RNF125: variants seen among roughly 807,000 people sequenced by gnomAD.
RNF125 encodes the protein ring finger protein 125.
RNF125 carries 21 observed loss-of-function variants against 26.0 expected under a neutral mutation model. That is an observed-to-expected ratio of 0.81 (90% CI 0.57 to 1.16). The LOEUF (loss-of-function observed/expected upper bound fraction) is 1.16, where lower values mean the gene tolerates loss of function less well. RNF125 is among the 50% of genes most tolerant of loss of function. The pLI, the probability that RNF125 is intolerant of heterozygous loss-of-function variation, is 0.00. For missense variants in RNF125, 270 were observed against 299.4 expected (o/e 0.90, Z 0.72); for synonymous variants, 95 against 109.2 (o/e 0.87, Z 0.81).
intron 4 of RNF125, among the ~76,000 whole-genome samples, chr18:32,057,357 G>A (rs1334636471): frequency 1.3e-5 from 2 of 148,326 alleles, no homozygotes; most frequent in Non-Finnish European, 3.0e-5. Context: ...TTTCTGAGAC[G>A]GAGTTTTGCT....
chr18:32,089,798 G>A, the RNF125 span, among the ~76,000 whole-genome samples: 53,620 of 152,086 alleles, frequency 0.35, 11,534 homozygotes, highest in Admixed American at 0.52. Context: ...TAAAGCTGCC[G>A]TTGCAGAGAA....
rs534220535 is a variant in RNF125, at chr18:32,043,091, G to A, written c.413+818G>A. On this transcript the variant is annotated intron_variant, in intron 3 of 5. Coordinates refer to ENST00000217740, the MANE Select transcript of RNF125 (RefSeq NM_017831.4). The stretch of plus-strand genomic sequence containing the variant: ...TTGAATCTGGGAGGCAGAGGTTGCA[G>A]TGAGCTGAGATCTGGCCACTGCACT... Among the ~76,000 whole-genome samples, 121 of 152,196 alleles carry A rather than the reference G, an allele frequency of 8.0e-4. 1 individual carries two copies. The highest frequency in any genetic ancestry group is 2.7e-3 in the African/African-American group (114 of 41,524).
chr18:32,031,178 T>C (rs999429109), intron 1 of RNF125: 2 of 151,916 alleles, frequency 1.3e-5, no homozygotes, highest in African/African-American at 4.8e-5. Context: ...TTCATGGTCT[T>C]ATATTTGTGA....
At chr18:32,077,792 A>AT (rs1343266393), downstream of RNF125, among the ~76,000 whole-genome samples, 2,108 of 142,424 alleles carry the variant, frequency 0.015, 42 homozygotes, top group African/African-American at 0.048. Context: ...ACCTCTAATA[A>AT]TTTTTTTTTT....
At chr18:32,053,143 A>G (rs951079292) in intron 4 of RNF125, among the ~76,000 whole-genome samples, 1 of 152,186 alleles carries the variant, frequency 6.6e-6, no homozygotes, top group African/African-American at 2.4e-5. Context: ...CAGGGAGATC[A>G]CCTGAGGTCG....
rs1319296376 is a variant in RNF125, at chr18:32,073,209, T to C, written c.*4825T>C. 6.6e-6 allele frequency: 1 copy of C among 152,228 alleles called. No individual in the cohort carries two copies. Among genetic ancestry groups the C allele is most frequent in the Non-Finnish European group, 1.5e-5 (1 of 68,042 alleles). The allele number at this position is 152,228 out of a possible 1,614,324, so 9.4% of individuals were successfully genotyped here. A position where few individuals can be genotyped will look rare whatever the true frequency, so the allele number is the denominator to read the frequency against. On this transcript the variant is annotated 3_prime_UTR_variant, in exon 6 of 6. Transcript: ENST00000217740. ...ATTAAAATATCTACTGTGTCTATTC[T>C]TAAACATTAATCTTGATTACTATTT...
At chr18:32,040,561 C>T (rs112931965) in intron 2 of RNF125, among the ~76,000 whole-genome samples, 215 of 152,240 alleles carry the variant, frequency 1.4e-3, no homozygotes, top group African/African-American at 4.9e-3. Flanking sequence ...TGAGCTACCA[C>T]GCCCAGCCCC....
chr18:32,043,999 TTTTTCTTTTC>T (rs556420277), intron 3 of RNF125, among the ~76,000 whole-genome samples: 4 of 151,298 alleles, frequency 2.6e-5, no homozygotes, highest in African/African-American at 4.9e-5. Context: ...TGGGTTTTTT[TTTTTCTTTTC>T]TTTTCTTTTC....
At chr18:32,019,926 T>C (rs891999786) in intron 1 of RNF125, among the ~76,000 whole-genome samples, 10 of 152,188 alleles carry the variant, frequency 6.6e-5, no homozygotes, top group Non-Finnish European at 7.3e-5. Context: ...AAAGTCCCTA[T>C]ATAAAATTGG....
rs746785355 is a variant in RNF125, at chr18:32,035,426, AAAG to A, written c.165-1678_165-1676del. ...TAATATAATTAGGAGTTAAAGAGGA[AAAG>A]AAGAAGAAGAATTGTTTGGAAAATA... On this transcript the variant is annotated intron_variant, in intron 1 of 5. Transcript: ENST00000217740. Among the ~76,000 whole-genome samples, 569 of 152,318 alleles carry A rather than the reference AAAG, an allele frequency of 3.7e-3. 2 individuals are homozygous for A. Among genetic ancestry groups the A allele is most frequent in the African/African-American group, 0.01 (428 of 41,580 alleles).
chr18:32,040,271 T>TC (rs1317140188), intron 2 of RNF125, among the ~76,000 whole-genome samples: 6 of 123,614 alleles, frequency 4.9e-5, no homozygotes, highest in Non-Finnish European at 9.6e-5. Context: ...ATTTCTTTCT[T>TC]TTTTTTTTTT....
chr18:32,041,006 A>G (rs959868181), intron 2 of RNF125, among the ~76,000 whole-genome samples: 1 of 152,188 alleles, frequency 6.6e-6, no homozygotes, highest in Admixed American at 6.6e-5. Context: ...TTAAACAATT[A>G]TAACTGTTTC....
chr18:32,027,133 A>G (rs1313865098), intron 1 of RNF125, among the ~76,000 whole-genome samples: 1 of 152,106 alleles, frequency 6.6e-6, no homozygotes, highest in Non-Finnish European at 1.5e-5. Context: ...TAAAGGATTT[A>G]CATCTCCTGG....
intron 4 of RNF125, 122 bp downstream of exon 4, chr18:32,045,854 G>A (rs1048047991): frequency 6.6e-6 from 4 of 608,374 alleles, no homozygotes; most frequent in Non-Finnish European, 1.1e-5. Context: ...TTAAGGTTAT[G>A]GTAACTCTGT....
chr18:32,019,109 G>C, intron 1 of RNF125, 82 bp downstream of exon 1: 1 of 1,529,134 alleles, frequency 6.5e-7, no homozygotes, highest in Non-Finnish European at 8.9e-7. Flanking sequence ...TGGGGAAGGA[G>C]GGGGACGGAA....
chr18:32,051,445 C>T (rs903712051), intron 4 of RNF125, among the ~76,000 whole-genome samples: 6 of 151,754 alleles, frequency 4.0e-5, no homozygotes, highest in African/African-American at 1.5e-4. Flanking sequence ...GGCAAAACCC[C>T]GTCTCTACTA....
At chr18:32,063,242 A>AG (rs1204056444) in intron 4 of RNF125, among the ~76,000 whole-genome samples, 7 of 151,674 alleles carry the variant, frequency 4.6e-5, no homozygotes, top group African/African-American at 1.2e-4. Flanking sequence ...AAAAAAAAAA[A>AG]AAGAAGAATA....
downstream of RNF125, among the ~76,000 whole-genome samples, chr18:32,077,599 G>C (rs1598832835): frequency 6.6e-6 from 1 of 152,042 alleles, no homozygotes; most frequent in African/African-American, 2.4e-5. Context: ...GACCTCAAGT[G>C]ATCCGCCCAC....
the RNF125 span, among the ~76,000 whole-genome samples, chr18:32,087,711 C>A: frequency 6.6e-6 from 1 of 152,096 alleles, no homozygotes; most frequent in Non-Finnish European, 1.5e-5. Flanking sequence ...TGATTAACCC[C>A]AGTTCCAGGA....
Sources: gnomAD v4.1 joint callset for allele counts (sites outside exome capture counted in the v4.1 genomes callset) on GRCh38, gnomAD v4.1.1 for gene constraint, MANE v1.5 for transcripts, NCBI Gene and HGNC (gene_info 2026-07-23, HGNC 2026-07-21) for gene names.